PP2D1: variants seen among roughly 807,000 people sequenced by gnomAD.
The protein encoded by PP2D1 is protein phosphatase 2C like domain containing 1, also known as protein phosphatase 2C-like domain-containing protein 1.
Under a neutral mutation model 30.2 loss-of-function variants are expected in PP2D1, and 25 were observed. The observed-to-expected ratio is 0.83, with a 90% CI of 0.60 to 1.16. PP2D1 has a LOEUF of 1.16. Ranked by LOEUF, PP2D1 falls within the 50% of genes most tolerant of loss-of-function variation. The probability of loss-of-function intolerance (pLI) is 0.00; values close to 1 mark genes in which losing one functional copy is unlikely to be tolerated. For missense variants in PP2D1, 760 were observed against 742.4 expected, an observed-to-expected ratio of 1.02 and a Z score of -0.28; for synonymous variants, 260 against 258.9, an observed-to-expected ratio of 1.00 and a Z score of -0.04.
chr3:19,981,348 AC>A (rs1216018266), downstream of PP2D1, among the ~76,000 whole-genome samples: 1 of 152,068 alleles, frequency 6.6e-6, no homozygotes, highest in Non-Finnish European at 1.5e-5. Context: ...GTGGCTCACT[AC>A]CTGTAATCCC....
Position 19,986,163 on chromosome 3 carries a change from T to C in PP2D1, c.1110A>G (p.Leu370=), listed in dbSNP as rs755818970. ...VANTGNVQAV[L]CRNGKGFCLT... is the part of the protein sequence containing the mutation. The stretch of plus-strand genomic sequence containing the variant: ...GGCAAAAACCTTTCCCATTTCTGCA[T>C]AAGACTGCTTGCACATTACCTAAAA... Residue 370 remains leucine, a synonymous_variant, in exon 3 of 3, where the codon TTA becomes TTG. Transcript: ENST00000389050. 1 of 1,504,022 alleles carries C rather than the reference T, an allele frequency of 6.6e-7. No individual in the cohort carries two copies. The highest frequency in any genetic ancestry group is 1.3e-5 in the South Asian group (1 of 78,470). The allele number at this position is 1,504,022 out of a possible 1,614,324, so 93.2% of individuals were successfully genotyped here.
intron 2 of PP2D1, among the ~76,000 whole-genome samples, chr3:19,997,997 C>G (rs558358199): frequency 6.6e-6 from 1 of 152,108 alleles, no homozygotes; most frequent in Admixed American, 6.6e-5. Context: ...GAGTTCGAGA[C>G]CAGGCTGACC....
intron 2 of PP2D1, 88 bp from the exon 3 acceptor site, chr3:19,986,270 T>G: frequency 7.2e-6 from 7 of 967,212 alleles, no homozygotes; most frequent in Non-Finnish European, 1.0e-5. Flanking sequence ...GTAAATTCTG[T>G]GTTTCAATGC....
chr3:19,988,064 G>A (rs911832490), intron 2 of PP2D1, among the ~76,000 whole-genome samples: 5 of 152,012 alleles, frequency 3.3e-5, no homozygotes, highest in East Asian at 3.9e-4. Flanking sequence ...TGATGATTGC[G>A]TTAACTGCAC....
downstream of PP2D1, chr3:19,985,072 G>A (rs1219576973): frequency 3.0e-5 from 8 of 263,554 alleles, no homozygotes; most frequent in Admixed American, 9.9e-5. Flanking sequence ...GGACTGCTAG[G>A]AGAACTTGTA....
intron 2 of PP2D1, among the ~76,000 whole-genome samples, chr3:19,988,620 C>T (rs886954728): frequency 3.3e-5 from 5 of 152,136 alleles, no homozygotes; most frequent in African/African-American, 7.2e-5. Context: ...ACACCTTATT[C>T]GTACACTCCC....
chr3:20,006,945 ATG>A (rs977186042), intron 1 of PP2D1, among the ~76,000 whole-genome samples: 8 of 151,002 alleles, frequency 5.3e-5, no homozygotes, highest in African/African-American at 1.9e-4. Flanking sequence ...ATATATACGT[ATG>A]TGTGTATATA....
downstream of PP2D1, among the ~76,000 whole-genome samples, chr3:19,982,106 G>A (rs564900803): frequency 6.6e-6 from 1 of 151,898 alleles, no homozygotes; most frequent in East Asian, 1.9e-4. Flanking sequence ...GCATGGTGGT[G>A]CACACCCTGT....
chr3:20,002,955 T>A (rs1043089734), intron 1 of PP2D1, among the ~76,000 whole-genome samples: 3 of 151,878 alleles, frequency 2.0e-5, no homozygotes, highest in African/African-American at 7.3e-5. Context: ...CTCAGGAGGC[T>A]GAGGCAGGAG....
downstream of PP2D1, among the ~76,000 whole-genome samples, chr3:19,980,877 C>A (rs1050336829): frequency 6.6e-6 from 1 of 152,136 alleles, no homozygotes; most frequent in East Asian, 1.9e-4. Context: ...ATTGCCCAAC[C>A]CAGCATCTAG....
chr3:19,985,485 A>G lies in PP2D1; in HGVS notation c.1788T>C (p.Tyr596=). The G allele has an allele frequency of 2.6e-6, 4 of 1,536,118 alleles. No individual in the cohort carries two copies. Among genetic ancestry groups the G allele is most frequent in the East Asian group, 2.4e-5 (1 of 40,908 alleles). Residue 596 remains tyrosine, a synonymous_variant, in exon 3 of 3, where the codon TAT becomes TAC. Coordinates refer to ENST00000389050, the MANE Select transcript of PP2D1 (RefSeq NM_001252657.2). The part of the protein sequence containing the change: ...TKSFYEGAAE[Y]VSHELVNAAL... Reference sequence around the variant, plus strand: ...CAGCATTTACAAGTTCATGGCTAACATACTCAGCTGCGCCTTCATAGAAAC... The same window carrying G: ...CAGCATTTACAAGTTCATGGCTAACGTACTCAGCTGCGCCTTCATAGAAAC...
At chr3:19,987,086 A>C (rs2125137292) in intron 2 of PP2D1, among the ~76,000 whole-genome samples, 1 of 151,434 alleles carries the variant, frequency 6.6e-6, no homozygotes, top group Non-Finnish European at 1.5e-5. Context: ...TTGTTAATGT[A>C]TTACATGAAT....
At chr3:19,999,154 A>C (rs1293299247) in intron 2 of PP2D1, among the ~76,000 whole-genome samples, 2 of 144,018 alleles carry the variant, frequency 1.4e-5, no homozygotes, top group African/African-American at 5.2e-5. Context: ...ATCTCAGCTC[A>C]CTGCAACCTC....
chr3:19,985,385 T>A lies in PP2D1; in HGVS notation c.1888A>T (p.Thr630Ser). 1 of 1,523,450 alleles carries A rather than the reference T, an allele frequency of 6.6e-7. No homozygotes were observed. 94.4% of individuals were successfully genotyped at this position (1,523,450 alleles called of 1,614,324 possible). Residue 630 changes from threonine to serine, a missense_variant, in exon 3 of 3, where the codon ACA becomes TCA. Thr to Ser is a moderately conservative substitution (Grantham distance 58). Around this residue, in one of 3 missense-constraint regions of PP2D1, gnomAD observed 369 missense variants for 316.2 expected, o/e 1.17. Transcript: ENST00000389050. ...FLNGSEYQLL[T>S] The stretch of plus-strand genomic sequence containing the variant: ...ATAATTGGAACTTTATTTTTTTATG[T>A]CAGAAGCTGATATTCACTTCCATTG...
intron 2 of PP2D1, among the ~76,000 whole-genome samples, chr3:19,994,016 G>C (rs985856985): frequency 1.3e-5 from 2 of 151,298 alleles, no homozygotes; most frequent in African/African-American, 4.9e-5. Flanking sequence ...ACAGGAGTGA[G>C]CCACTGCACC....
At chr3:19,999,741 C>T (rs917615879) in intron 2 of PP2D1, among the ~76,000 whole-genome samples, 1 of 152,116 alleles carries the variant, frequency 6.6e-6, no homozygotes, top group Non-Finnish European at 1.5e-5. Context: ...CATAATTTGT[C>T]ATATTAATTT....
At chr3:19,986,863 C>T (rs1697044696) in intron 2 of PP2D1, among the ~76,000 whole-genome samples, 1 of 151,958 alleles carries the variant, frequency 6.6e-6, no homozygotes, top group Admixed American at 6.6e-5. Context: ...GGAGAAACCC[C>T]ATCTCTACTA....
chr3:20,000,452 G>T (rs1697237161), intron 2 of PP2D1, among the ~76,000 whole-genome samples: 1 of 152,080 alleles, frequency 6.6e-6, no homozygotes. Context: ...TTCCATTTTG[G>T]CAAGTTCCTA....
Position 20,012,076 on chromosome 3 carries a change from C to A in PP2D1, c.-4G>T. On this transcript the variant is annotated 5_prime_UTR_variant, in exon 1 of 3. Transcript: ENST00000389050. Reference sequence around the variant, plus strand: ...TTAAAGCATTATTGGTGCTCATGTTCCTTTGGAATTACCTTTCTTTGCCCT... The same window carrying A: ...TTAAAGCATTATTGGTGCTCATGTTACTTTGGAATTACCTTTCTTTGCCCT... 6.5e-7 allele frequency: 1 copy of A among 1,531,260 alleles called. No homozygotes were observed. The highest frequency in any genetic ancestry group is 8.7e-7 in the Non-Finnish European group (1 of 1,143,896). The allele number at this position is 1,531,260 out of a possible 1,614,324, so 94.9% of individuals were successfully genotyped here.
Sources: gnomAD v4.1 joint callset for allele counts (sites outside exome capture counted in the v4.1 genomes callset) on GRCh38, gnomAD v4.1.1 for gene constraint, gnomAD v4.1.1 regional missense constraint, MANE v1.5 for transcripts, NCBI Gene and HGNC (gene_info 2026-07-23, HGNC 2026-07-21) for gene names.